The following ARHGAP24 variants were observed in gnomAD, a reference collection of about 807,000 sequenced individuals.
The protein encoded by ARHGAP24 is rho GTPase-activating protein 24.
A neutral mutation model predicts 76.4 loss-of-function variants in ARHGAP24; 50 were observed. The ratio of observed to expected loss-of-function variants is 0.65; its 90% CI spans 0.52 to 0.83. The LOEUF is 0.83. Among genes scored for constraint, ARHGAP24 ranks in the 40% least tolerant of loss-of-function variants. The probability of loss-of-function intolerance (pLI) is 0.00; values close to 1 mark genes in which losing one functional copy is unlikely to be tolerated. For synonymous variants in ARHGAP24, 345 were observed against 323.3 expected (o/e 1.07, Z -0.72); for missense variants, 930 against 914.2 (o/e 1.02, Z -0.22).
At chr4:85,515,212 G>A (rs935387074) in intron 1 of ARHGAP24, among the ~76,000 whole-genome samples, 5 of 152,124 alleles carry the variant, frequency 3.3e-5, no homozygotes, top group Non-Finnish European at 7.3e-5. Context: ...TCCAAGCAGA[G>A]AAGTATTTTT....
At chr4:85,954,033 C>G (rs1179832992) in intron 5 of ARHGAP24, among the ~76,000 whole-genome samples, 1 of 152,146 alleles carries the variant, frequency 6.6e-6, no homozygotes, top group Non-Finnish European at 1.5e-5. Context: ...AGTCTAGGCT[C>G]TTGTTTTTGA....
chr4:85,490,380 T>C (rs1723305807), intron 1 of ARHGAP24, among the ~76,000 whole-genome samples: 1 of 152,206 alleles, frequency 6.6e-6, no homozygotes, highest in African/African-American at 2.4e-5. Flanking sequence ...CTCTGGTTCA[T>C]AGGAACCAGG....
intron 1 of ARHGAP24, among the ~76,000 whole-genome samples, chr4:85,558,727 A>T (rs1726484030): frequency 6.6e-6 from 1 of 152,214 alleles, no homozygotes; most frequent in African/African-American, 2.4e-5. Context: ...ACGATGTTCC[A>T]CCCACAGGAT....
intron 3 of ARHGAP24, among the ~76,000 whole-genome samples, chr4:85,888,773 C>T (rs1360719753): frequency 6.6e-6 from 1 of 152,134 alleles, no homozygotes; most frequent in African/African-American, 2.4e-5. Context: ...TCTCCCTCCT[C>T]CTACCCTCCA....
chr4:85,603,177 T>G (rs1337067332), intron 2 of ARHGAP24, among the ~76,000 whole-genome samples: 5 of 152,232 alleles, frequency 3.3e-5, no homozygotes, highest in African/African-American at 9.6e-5. Context: ...AACATAGCCT[T>G]TTGTCCTCTA....
intron 3 of ARHGAP24, among the ~76,000 whole-genome samples, chr4:85,828,858 T>C (rs747247325): frequency 6.6e-6 from 1 of 151,984 alleles, no homozygotes; most frequent in Non-Finnish European, 1.5e-5. Context: ...AATAAATATA[T>C]AGGAGGTTTG....
intron 2 of ARHGAP24, among the ~76,000 whole-genome samples, chr4:85,697,440 G>A (rs1250855817): frequency 6.6e-6 from 1 of 152,014 alleles, no homozygotes; most frequent in Non-Finnish European, 1.5e-5. Context: ...ATCGTTGTTG[G>A]ACATATGTAA....
At chr4:85,982,869 C>T (rs1560764382) in intron 8 of ARHGAP24, among the ~76,000 whole-genome samples, 1 of 152,022 alleles carries the variant, frequency 6.6e-6, no homozygotes. Context: ...CAACCCATCA[C>T]CTAGATATTA....
intron 3 of ARHGAP24, among the ~76,000 whole-genome samples, chr4:85,819,886 C>T (rs1302122375): frequency 3.3e-5 from 5 of 149,502 alleles, no homozygotes. Context: ...TGCCATTGCA[C>T]TCCATCATGA....
intron 5 of ARHGAP24, among the ~76,000 whole-genome samples, chr4:85,969,593 G>A (rs1208415906): frequency 6.6e-6 from 1 of 152,086 alleles, no homozygotes; most frequent in African/African-American, 2.4e-5. Flanking sequence ...GAATCAAAAG[G>A]AAATACTTTA....
chr4:85,596,261 A>G (rs1271291606), intron 2 of ARHGAP24, among the ~76,000 whole-genome samples: 1 of 151,972 alleles, frequency 6.6e-6, no homozygotes, highest in Non-Finnish European at 1.5e-5. Context: ...ATACTTTGCT[A>G]TCTTTTATGC....
At chr4:85,964,686 A>G (rs143400840) in intron 5 of ARHGAP24, among the ~76,000 whole-genome samples, 1 of 152,160 alleles carries the variant, frequency 6.6e-6, no homozygotes, top group East Asian at 1.9e-4. Context: ...AAATATCCAT[A>G]ATTTTTTTCA....
At chr4:85,923,900 C>T in intron 4 of ARHGAP24, 130 bp downstream of exon 4, 1 of 1,362,070 alleles carries the variant, frequency 7.3e-7, no homozygotes, top group Non-Finnish European at 1.0e-6. Context: ...GTAAATTGTT[C>T]AACATTATTG....
At chr4:85,526,225 C>A (rs573607367) in intron 1 of ARHGAP24, among the ~76,000 whole-genome samples, 2 of 151,762 alleles carry the variant, frequency 1.3e-5, no homozygotes, top group Non-Finnish European at 2.9e-5. Context: ...GCCTGGACAA[C>A]GTGGCAAAAC....
At chr4:85,652,693 G>GT (rs1721989903) in intron 2 of ARHGAP24, among the ~76,000 whole-genome samples, 1 of 152,140 alleles carries the variant, frequency 6.6e-6, no homozygotes, top group Non-Finnish European at 1.5e-5. Flanking sequence ...AAAGAGAAGA[G>GT]TGGAAATAGG....
Position 85,628,094 on chromosome 4 carries a change from T to C in ARHGAP24, c.180+57373T>C, listed in dbSNP as rs551067923. ...GCCGCACCCACTTTCCTGCACCTAC[T>C]GTCTGGCACTCCCCGGTGAGATGAA... On this transcript the variant is annotated intron_variant, in intron 2 of 9. Coordinates refer to ENST00000395184, the MANE Select transcript of ARHGAP24 (RefSeq NM_001025616.3). Among the ~76,000 whole-genome samples, 23 of 152,270 alleles carry C rather than the reference T, an allele frequency of 1.5e-4. No individual in the cohort carries two copies. In the East Asian group the frequency reaches 4.5e-3, roughly 30 times the overall value.
chr4:85,721,846 C>G (rs6816135), intron 2 of ARHGAP24, 39 bp from the exon 3 acceptor site: 2 of 1,533,654 alleles, frequency 1.3e-6, no homozygotes, highest in African/African-American at 2.7e-5. Context: ...GATGTTTGCT[C>G]TCTGATGATG....
intron 1 of ARHGAP24, among the ~76,000 whole-genome samples, chr4:85,564,480 A>G (rs1726743973): frequency 1.3e-5 from 2 of 151,866 alleles, no homozygotes; most frequent in Admixed American, 6.6e-5. Context: ...AACATGGCAC[A>G]TGTATACATA....
At chr4:85,672,822 G>A (rs1722854415) in intron 2 of ARHGAP24, among the ~76,000 whole-genome samples, 1 of 152,164 alleles carries the variant, frequency 6.6e-6, no homozygotes, top group South Asian at 2.1e-4. Flanking sequence ...AAGGCTGGCT[G>A]CCTTTCTTTT....
Sources: allele counts gnomAD v4.1 joint callset (sites outside exome capture counted in the v4.1 genomes callset), GRCh38; gene constraint gnomAD v4.1.1; transcripts MANE v1.5; gene names NCBI Gene and HGNC (gene_info 2026-07-23, HGNC 2026-07-21).